PAPOLG: variants seen among roughly 807,000 people sequenced by gnomAD.
PAPOLG encodes poly(A) polymerase gamma, also known as PAP-gamma.
A neutral mutation model predicts 99.0 loss-of-function variants in PAPOLG; 40 were observed. The ratio of observed to expected loss-of-function variants is 0.40; its 90% CI spans 0.31 to 0.53. PAPOLG has a LOEUF of 0.53. PAPOLG is among the 20% of genes least tolerant of loss of function. PAPOLG has a pLI of 0.41. For synonymous variants in PAPOLG, 310 were observed against 299.3 expected (o/e 1.04, Z -0.37); for missense variants, 675 against 884.1 (o/e 0.76, Z 3.00).
At chr2:60,781,246 A>G (rs2103799768) in intron 10 of PAPOLG, among the ~76,000 whole-genome samples, 1 of 152,012 alleles carries the variant, frequency 6.6e-6, no homozygotes, top group Non-Finnish European at 1.5e-5. Flanking sequence ...AGTTCCAGCT[A>G]CTCTGGAGGC....
intron 21 of PAPOLG, chr2:60,795,416 A>G: frequency 2.6e-6 from 1 of 387,260 alleles, no homozygotes; most frequent in Non-Finnish European, 5.1e-6. Flanking sequence ...AATATTTTAG[A>G]GGAACCAAAT....
intron 7 of PAPOLG, among the ~76,000 whole-genome samples, chr2:60,774,116 CG>C (rs1352625333): frequency 6.6e-6 from 1 of 150,884 alleles, no homozygotes; most frequent in African/African-American, 2.4e-5. Context: ...TTTTTTGAGA[CG>C]GGAGTCTCGC....
At chr2:60,793,938 TTTAA>T (rs770516325) in intron 18 of PAPOLG, 29 bp from the exon 19 acceptor site, 2 of 1,583,960 alleles carry the variant, frequency 1.3e-6, no homozygotes, top group Non-Finnish European at 8.6e-7. Flanking sequence ...TACATAAATG[TTTAA>T]TTATTAAAAT....
chr2:60,777,835 T>A (rs1051421254), intron 8 of PAPOLG, among the ~76,000 whole-genome samples: 1 of 152,194 alleles, frequency 6.6e-6, no homozygotes, highest in African/African-American at 2.4e-5. Context: ...TCAGAACATA[T>A]ACATTTACCA....
intron 10 of PAPOLG, among the ~76,000 whole-genome samples, chr2:60,781,210 A>G (rs1432082377): frequency 6.6e-6 from 1 of 152,142 alleles, no homozygotes; most frequent in Non-Finnish European, 1.5e-5. Context: ...ATAAAAAATT[A>G]GCCGGGCGTG....
At chr2:60,796,661 G>A (rs1447760716) in intron 21 of PAPOLG, among the ~76,000 whole-genome samples, 1 of 151,918 alleles carries the variant, frequency 6.6e-6, no homozygotes, top group Non-Finnish European at 1.5e-5. Context: ...TTTCTCTACT[G>A]CACACACTCA....
chr2:60,758,389 C>T lies in PAPOLG; in HGVS notation c.18-1745C>T, dbSNP rs544402796. ...AAGGTATACAGGCTATTTTATCTTC[C>T]ATTTGATTCTTTCTCCCTCTCTGCC... On this transcript the variant is annotated intron_variant, in intron 1 of 21. Transcript: ENST00000238714. 7.1e-3 allele frequency among the ~76,000 whole-genome samples: 759 copies of T among 107,650 alleles called. 3 individuals are homozygous for T. The highest frequency in any genetic ancestry group is 0.011 in the Non-Finnish European group (586 of 53,654). 70.6% of individuals were successfully genotyped at this position (107,650 alleles called of 152,430 possible). A position where few individuals can be genotyped will look rare whatever the true frequency, so the allele number is the denominator to read the frequency against.
At chr2:60,794,823 T>C in intron 20 of PAPOLG, 48 bp downstream of exon 20, 2 of 1,549,706 alleles carry the variant, frequency 1.3e-6, no homozygotes, top group South Asian at 1.1e-5. Context: ...TAAAGCGCCA[T>C]GTATCAGGAA....
At position 60,780,917 on chromosome 2, in the gene PAPOLG, G is replaced by A. The variant is rs138004875; in HGVS notation, c.906+138G>A. 3.3e-5 allele frequency: 23 copies of A among 689,784 alleles called. No individual in the cohort carries two copies. In the East Asian group the frequency reaches 6.0e-4, roughly 18 times the overall value. 42.7% of individuals were successfully genotyped at this position (689,784 alleles called of 1,614,324 possible). A position where few individuals can be genotyped will look rare whatever the true frequency, so the allele number is the denominator to read the frequency against. ...CTATAGTCCCCTTCCTCCTTCTGCTGTGGTTTTTGTTTTGTTTTTTGTGCA... is the reference window on the plus strand; with the variant it reads ...CTATAGTCCCCTTCCTCCTTCTGCTATGGTTTTTGTTTTGTTTTTTGTGCA... On this transcript the variant is annotated intron_variant, in intron 10 of 21. Coordinates refer to ENST00000238714, the MANE Select transcript of PAPOLG (RefSeq NM_022894.4).
At chr2:60,756,804 T>A (rs1192873909) in intron 1 of PAPOLG, among the ~76,000 whole-genome samples, 2 of 152,144 alleles carry the variant, frequency 1.3e-5, no homozygotes, top group Non-Finnish European at 2.9e-5. Context: ...GTCACTCGCC[T>A]GCCCCCAGCA....
intron 1 of PAPOLG, among the ~76,000 whole-genome samples, chr2:60,757,318 C>T (rs1212865024): frequency 1.3e-5 from 2 of 152,208 alleles, no homozygotes; most frequent in African/African-American, 4.8e-5. Context: ...GAAGGACTCT[C>T]CTACCTCCTT....
chr2:60,793,037 A>C (rs1231354158), intron 17 of PAPOLG, among the ~76,000 whole-genome samples: 2 of 151,894 alleles, frequency 1.3e-5, no homozygotes, highest in Non-Finnish European at 2.9e-5. Flanking sequence ...ACTCTGTCTC[A>C]AAAAAACAAA....
intron 10 of PAPOLG, 175 bp from the exon 11 acceptor site, chr2:60,781,710 A>G (rs566755045): frequency 7.4e-5 from 24 of 325,406 alleles, no homozygotes; most frequent in African/African-American, 4.5e-4. Context: ...GACTTTGACT[A>G]TCAGACATAT....
chr2:60,778,935 C>T (rs902319955), intron 8 of PAPOLG, among the ~76,000 whole-genome samples: 2 of 151,852 alleles, frequency 1.3e-5, no homozygotes, highest in Admixed American at 6.6e-5. Context: ...ATATAAAAAA[C>T]GGTCATGACA....
chr2:60,766,227 C>T (rs1285918006), intron 3 of PAPOLG, among the ~76,000 whole-genome samples: 1 of 151,910 alleles, frequency 6.6e-6, no homozygotes, highest in African/African-American at 2.4e-5. Flanking sequence ...CCAAAGAAGT[C>T]AGTAAATATA....
chr2:60,794,077 C>T lies in PAPOLG; in HGVS notation c.1875C>T (p.Ala625=). Residue 625 remains alanine, a synonymous_variant, in exon 19 of 22, where the codon GCC becomes GCT. Transcript: ENST00000238714. ...IPRITTPHNP[A]QGQPHLNGMS... is the part of the protein sequence containing the mutation. ...GAATCACAACACCTCACAACCCTGC[C>T]CAGGGACAACCGCATCTGAATGGAA... is the stretch of plus-strand genomic sequence containing the variant. 6.2e-7 allele frequency: 1 copy of T among 1,614,096 alleles called. No individual in the cohort carries two copies. Among genetic ancestry groups the T allele is most frequent in the Non-Finnish European group, 8.5e-7 (1 of 1,180,000 alleles).
rs1283946289 is a variant in PAPOLG, at chr2:60,786,985, G to C, written c.1205G>C (p.Gly402Ala). ...LVESKIRVLVGNLERNEFITL... is the reference protein window; with the variant it reads ...LVESKIRVLVANLERNEFITL... Reference sequence around the variant, plus strand: ...GAATCTAAAATCCGTGTACTTGTTGGAAACTTGGAACGGAATGAATTTATT... The same window carrying C: ...GAATCTAAAATCCGTGTACTTGTTGCAAACTTGGAACGGAATGAATTTATT... The change falls in exon 14 of 22, where the codon GGA becomes GCA. Residue 402 changes from glycine (G) to alanine (A), a missense_variant. Gly to Ala is a moderately conservative substitution (Grantham distance 60). This residue lies in a region of PAPOLG where 413 missense variants were observed against 460.5 expected (regional missense o/e 0.90). Transcript: ENST00000238714. 6.2e-7 allele frequency: 1 copy of C among 1,612,400 alleles called. No individual in the cohort carries two copies. Among genetic ancestry groups the C allele is most frequent in the Non-Finnish European group, 8.5e-7 (1 of 1,178,654 alleles).
At chr2:60,791,072 G>C (rs529864849) in intron 15 of PAPOLG, among the ~76,000 whole-genome samples, 67 of 150,946 alleles carry the variant, frequency 4.4e-4, no homozygotes, top group Non-Finnish European at 7.5e-4. Context: ...CTGGATGACA[G>C]AGCGAGAGTC....
chr2:60,794,588 C>T, intron 19 of PAPOLG, 122 bp from the exon 20 acceptor site: 1 of 787,532 alleles, frequency 1.3e-6, no homozygotes, highest in Admixed American at 2.9e-5. Context: ...CTTCTCTTAC[C>T]AATCCATGTT....
Sources: allele counts gnomAD v4.1 joint callset (sites outside exome capture counted in the v4.1 genomes callset), GRCh38; gene constraint gnomAD v4.1.1; regional missense constraint gnomAD v4.1.1; transcripts MANE v1.5; gene names NCBI Gene and HGNC (gene_info 2026-07-23, HGNC 2026-07-21).